Variants in RPS20 observed in about 807,000 individuals in gnomAD.
RPS20 encodes ribosomal protein S20.
A neutral mutation model predicts 15.3 loss-of-function variants in RPS20; 3 were observed. The ratio of observed to expected loss-of-function variants is 0.20; its 90% CI spans 0.09 to 0.51. RPS20 has a LOEUF of 0.51. Among genes scored for constraint, RPS20 ranks in the 20% least tolerant of loss-of-function variants. The pLI is 0.96. For missense variants in RPS20, 67 were observed against 145.9 expected (o/e 0.46, Z 2.79); for synonymous variants, 62 against 47.8 (o/e 1.30, Z -1.23).
At position 56,074,405 on chromosome 8, in the gene RPS20, T is replaced by TGACC. The variant is rs1313660593; in HGVS notation, c.-26_-23dup. On this transcript the variant is annotated 5_prime_UTR_variant, in exon 1 of 4. Coordinates refer to ENST00000009589, the MANE Select transcript of RPS20 (RefSeq NM_001023.4). ...CCATGGCTGTTGCGCGCGGGCTTCC[T>TGACC]GACCGACTTGTTCCTCGGCGAGAGC... The TGACC allele has an allele frequency of 1.3e-6, 2 of 1,556,602 alleles. No homozygotes were observed. Among genetic ancestry groups the TGACC allele is most frequent in the Non-Finnish European group, 1.7e-6 (2 of 1,157,080 alleles).
chr8:56,073,179 A>G lies in RPS20; in HGVS notation c.271T>C (p.Leu91=), dbSNP rs768823942. The G allele has an allele frequency of 7.2e-5, 116 of 1,600,292 alleles. 1 individual carries two copies. The South Asian group carries it at 1.2e-3, about 17-fold the overall frequency. Reference sequence around the variant, plus strand: ...TTAACAATCTCAGAAGGACTGTGCAAGTCAATGAGTCGCTTGTGAATTCTC... The same window carrying G: ...TTAACAATCTCAGAAGGACTGTGCAGGTCAATGAGTCGCTTGTGAATTCTC... ...QMRIHKRLID[L]HSPSEIVKQI... is the part of the protein sequence containing the mutation. Residue 91 remains leucine (L), a synonymous_variant, in exon 4 of 4, where the codon TTG becomes CTG. Transcript: ENST00000009589.
intron 3 of RPS20, 113 bp downstream of exon 3, chr8:56,073,582 G>A (rs1809832718): frequency 2.4e-6 from 2 of 843,718 alleles, no homozygotes; most frequent in South Asian, 1.4e-5. Context: ...TTCTATGTGC[G>A]TTTGTAGACA....
Position 56,073,291 on chromosome 8 carries a change from G to A in RPS20, c.178-19C>T, listed in dbSNP as rs1325679671. ...TCAAAGTCTGTAACAAAAGACAAAG[G>A]AAACCAAGTGTTTATCGTTTTATAC... On this transcript the variant is annotated intron_variant, in intron 3 of 3. Coordinates refer to ENST00000009589, the MANE Select transcript of RPS20 (RefSeq NM_001023.4). The A allele has an allele frequency of 4.7e-6, 7 of 1,486,708 alleles. No individual in the cohort carries two copies. The highest frequency in any genetic ancestry group is 1.7e-4 in the Middle Eastern group (1 of 5,850). The allele number at this position is 1,486,708 out of a possible 1,614,324, so 92.1% of individuals were successfully genotyped here. A position where few individuals can be genotyped will look rare whatever the true frequency, so the allele number is the denominator to read the frequency against.
chr8:56,074,463 G>A lies in RPS20; in HGVS notation c.-80C>T. ...GGTGAGTCAGGAGCAGGAGCGTGCG[G>A]ACCAAAAATCCTCAGCCCTTACGAC... is the stretch of plus-strand genomic sequence containing the variant. On this transcript the variant is annotated 5_prime_UTR_variant, in exon 1 of 4. Transcript: ENST00000009589. 6 of 1,495,904 alleles carry A rather than the reference G, an allele frequency of 4.0e-6. No homozygotes were observed. The highest frequency in any genetic ancestry group is 1.4e-5 in the African/African-American group (1 of 71,826). The allele number at this position is 1,495,904 out of a possible 1,614,324, so 92.7% of individuals were successfully genotyped here.
chr8:56,068,397 G>A (rs762356886), downstream of RPS20: 4 of 152,020 alleles, frequency 2.6e-5, no homozygotes, highest in Non-Finnish European at 4.4e-5. Flanking sequence ...AATCAGCTGG[G>A]AACACTGGTG....
chr8:56,071,646 G>A (rs982578791), downstream of RPS20, among the ~76,000 whole-genome samples: 3 of 152,138 alleles, frequency 2.0e-5, no homozygotes, highest in African/African-American at 7.2e-5. Context: ...CTTCTGGGAG[G>A]GAAGATTTCA....
chr8:56,073,353 T>C, intron 3 of RPS20, 81 bp from the exon 4 acceptor site: 3 of 915,124 alleles, frequency 3.3e-6, no homozygotes, highest in Admixed American at 2.0e-5. Context: ...TTACTTCTAA[T>C]CATTTCATTA....
chr8:56,068,521 GAGAA>G (rs1195131325), downstream of RPS20: 1 of 116,588 alleles, frequency 8.6e-6, no homozygotes, highest in Non-Finnish European at 1.8e-5. Context: ...CTGGGTGACA[GAGAA>G]AGACTCTAAA....
At chr8:56,074,031 C>T (rs765787058) in intron 2 of RPS20, 29 bp downstream of exon 2, 2 of 1,557,086 alleles carry the variant, frequency 1.3e-6, no homozygotes, top group Non-Finnish European at 1.8e-6. Flanking sequence ...CCCAATTCCC[C>T]CTCCCCCCCG....
At chr8:56,067,974 GA>G (rs1201313410) in exon 6 of RPS20, 1 of 151,944 alleles carries the variant, frequency 6.6e-6, no homozygotes, top group Non-Finnish European at 1.5e-5. Context: ...TAATGCTACA[GA>G]ACTGTTAGAA....
downstream of RPS20, chr8:56,072,980 G>A: frequency 1.4e-6 from 2 of 1,466,744 alleles, no homozygotes; most frequent in Non-Finnish European, 1.8e-6. Context: ...TATTCCACCT[G>A]AAAAGTGGAA....
downstream of RPS20, among the ~76,000 whole-genome samples, chr8:56,068,698 T>C (rs1157451139): frequency 6.6e-6 from 1 of 151,280 alleles, no homozygotes; most frequent in Non-Finnish European, 1.5e-5. Context: ...AGATATATGA[T>C]ATTGTACTGA....
chr8:56,068,212 C>T (rs551993392), downstream of RPS20: 1 of 152,126 alleles, frequency 6.6e-6, no homozygotes, highest in Admixed American at 6.5e-5. Context: ...TTTTTAAAAA[C>T]CCAACATTAT....
At chr8:56,070,931 T>C (rs921777219), downstream of RPS20, among the ~76,000 whole-genome samples, 7 of 152,300 alleles carry the variant, frequency 4.6e-5, no homozygotes, top group African/African-American at 1.2e-4. Flanking sequence ...TTAACTTGCA[T>C]AGAATTATTG....
downstream of RPS20, among the ~76,000 whole-genome samples, chr8:56,072,253 A>C (rs1297660581): frequency 6.6e-6 from 1 of 151,668 alleles, no homozygotes; most frequent in East Asian, 1.9e-4. Context: ...TTTTTAAAAA[A>C]TGTAAAAGTG....
chr8:56,072,932 A>G, downstream of RPS20: 1 of 1,381,778 alleles, frequency 7.2e-7, no homozygotes, highest in Non-Finnish European at 9.4e-7. Context: ...GACTCAAACG[A>G]CAACGAAAAC....
intron 2 of RPS20, 122 bp from the exon 3 acceptor site, chr8:56,073,890 T>A: frequency 9.3e-7 from 1 of 1,080,268 alleles, no homozygotes; most frequent in Non-Finnish European, 1.4e-6. Flanking sequence ...AATAGGTACC[T>A]CCTCATCGCC....
downstream of RPS20, chr8:56,072,743 G>T (rs568693547): frequency 6.3e-6 from 2 of 317,796 alleles, no homozygotes; most frequent in Non-Finnish European, 9.1e-6. Context: ...TTTTTAACAC[G>T]TGCCTACTAG....
At chr8:56,071,396 T>C (rs941491179), downstream of RPS20, among the ~76,000 whole-genome samples, 1 of 152,238 alleles carries the variant, frequency 6.6e-6, no homozygotes, top group African/African-American at 2.4e-5. Context: ...TATTAACTGA[T>C]AGCTAAACAG....
Sources: allele counts gnomAD v4.1 joint callset (sites outside exome capture counted in the v4.1 genomes callset), GRCh38; gene constraint gnomAD v4.1.1; transcripts MANE v1.5; gene names NCBI Gene and HGNC (gene_info 2026-07-23, HGNC 2026-07-21).